MAGI2: variants seen among roughly 807,000 people sequenced by gnomAD.
MAGI2 encodes membrane associated guanylate kinase, WW and PDZ domain containing 2, also known as membrane-associated guanylate kinase, WW and PDZ domain-containing protein 2.
In MAGI2, 35 loss-of-function variants were observed where a neutral mutation model predicts 133.3. The ratio of observed to expected loss-of-function variants is 0.26; its 90% CI spans 0.20 to 0.35. The LOEUF is 0.35. MAGI2 is among the 10% of genes least tolerant of loss of function. MAGI2 has a pLI of 1.00. For synonymous variants in MAGI2, 729 were observed against 710.6 expected, an observed-to-expected ratio of 1.03 and a Z score of -0.41; for missense variants, 1,636 against 1,863.4, an observed-to-expected ratio of 0.88 and a Z score of 2.25.
chr7:78,890,525 G>A (rs1040741216), intron 2 of MAGI2, among the ~76,000 whole-genome samples: 1 of 152,046 alleles, frequency 6.6e-6, no homozygotes, highest in Non-Finnish European at 1.5e-5. Flanking sequence ...ATAACAAACT[G>A]TCTCTCAGAC....
chr7:78,765,187 G>C (rs553501718), intron 2 of MAGI2, among the ~76,000 whole-genome samples: 1 of 152,246 alleles, frequency 6.6e-6, no homozygotes, highest in East Asian at 1.9e-4. Context: ...GACTGTCCTA[G>C]TGTATCCACC....
chr7:78,775,559 T>C (rs1176817533), intron 2 of MAGI2, among the ~76,000 whole-genome samples: 5 of 152,092 alleles, frequency 3.3e-5, no homozygotes, highest in Admixed American at 2.6e-4. Flanking sequence ...TCTTTCTCTA[T>C]CTATACTTTA....
rs537630288 is a variant in MAGI2 at position 79,386,262 on chromosome 7, T to A, written c.301+66758A>T. On this transcript the variant is annotated intron_variant, in intron 1 of 21. Transcript: ENST00000354212. ...TATCTGAAAGGTATTAACATAGATA[T>A]GCATTTAACAAATTAGTGTTGGGAA... is the stretch of plus-strand genomic sequence containing the variant. Among the ~76,000 whole-genome samples the A allele has an allele frequency of 9.9e-5, 15 of 152,196 alleles. No homozygotes were observed. The South Asian group carries it at 2.3e-3, about 23-fold the overall frequency.
chr7:78,815,935 T>C (rs747391079), intron 2 of MAGI2, among the ~76,000 whole-genome samples: 2 of 152,168 alleles, frequency 1.3e-5, no homozygotes, highest in African/African-American at 2.4e-5. Flanking sequence ...AATCAGAAGC[T>C]AGAAATGATT....
At chr7:78,980,323 C>T (rs1175853841) in intron 2 of MAGI2, among the ~76,000 whole-genome samples, 2 of 151,784 alleles carry the variant, frequency 1.3e-5, no homozygotes, top group Non-Finnish European at 2.9e-5. Context: ...GTAGAGTTAA[C>T]AAGGCAAACT....
chr7:78,105,725 TG>T (rs143718922), intron 20 of MAGI2, among the ~76,000 whole-genome samples: 5,969 of 152,220 alleles, frequency 0.039, 133 homozygotes, highest in East Asian at 0.065. Flanking sequence ...TTTTTATTTT[TG>T]TTATGGGTAC....
chr7:78,072,844 A>G (rs1210447446), intron 21 of MAGI2: 3 of 398,070 alleles, frequency 7.5e-6, no homozygotes, highest in African/African-American at 6.2e-5. Context: ...ATTTTTTTGT[A>G]GAGACAAGGT....
chr7:79,230,623 A>G (rs955516483), intron 1 of MAGI2, among the ~76,000 whole-genome samples: 3 of 149,464 alleles, frequency 2.0e-5, no homozygotes, highest in Admixed American at 2.0e-4. Context: ...TCCTTCGCCC[A>G]CTTTTTGATG....
At chr7:79,041,356 TGGAAAAACAA>T (rs1209370199) in intron 1 of MAGI2, among the ~76,000 whole-genome samples, 2 of 152,300 alleles carry the variant, frequency 1.3e-5, no homozygotes, top group Non-Finnish European at 2.9e-5. Context: ...GTCAAAGGAC[TGGAAAAACAA>T]GGCAACTGTT....
chr7:78,687,242 G>T (rs746160456), intron 2 of MAGI2, among the ~76,000 whole-genome samples: 1 of 152,044 alleles, frequency 6.6e-6, no homozygotes, highest in Admixed American at 6.6e-5. Flanking sequence ...TTGATTATAC[G>T]ATCAGGAGTA....
intron 2 of MAGI2, among the ~76,000 whole-genome samples, chr7:78,898,661 G>C (rs1797390336): frequency 6.6e-6 from 1 of 152,146 alleles, no homozygotes; most frequent in African/African-American, 2.4e-5. Context: ...CAGAGGATCA[G>C]GGTGGGAGGA....
At chr7:79,162,624 C>T (rs1030352904) in intron 1 of MAGI2, among the ~76,000 whole-genome samples, 2 of 152,052 alleles carry the variant, frequency 1.3e-5, no homozygotes, top group Admixed American at 6.6e-5. Context: ...GAATTTTCTA[C>T]TTACTATAGA....
chr7:78,071,171 A>G (rs1324817604), intron 21 of MAGI2, among the ~76,000 whole-genome samples: 1 of 152,222 alleles, frequency 6.6e-6, no homozygotes, highest in Non-Finnish European at 1.5e-5. Context: ...TCCTCATCCT[A>G]AAATCACTTA....
chr7:78,426,512 C>T (rs576671171), intron 6 of MAGI2, among the ~76,000 whole-genome samples: 103 of 151,940 alleles, frequency 6.8e-4, no homozygotes, highest in Non-Finnish European at 1.1e-3. Flanking sequence ...TGCTAGATGA[C>T]GAGTTAGTGG....
intron 2 of MAGI2, among the ~76,000 whole-genome samples, chr7:78,961,014 A>C (rs1357328014): frequency 6.6e-6 from 1 of 152,134 alleles, no homozygotes; most frequent in East Asian, 1.9e-4. Flanking sequence ...TTCCCTTGCC[A>C]TCTTTCTAAA....
chr7:79,078,328 G>A (rs892616787), intron 1 of MAGI2, among the ~76,000 whole-genome samples: 1 of 152,034 alleles, frequency 6.6e-6, no homozygotes, highest in Non-Finnish European at 1.5e-5. Flanking sequence ...ATACTGCCTA[G>A]GTTCTCATAG....
At chr7:78,094,471 T>C (rs942073462) in intron 20 of MAGI2, among the ~76,000 whole-genome samples, 5 of 152,210 alleles carry the variant, frequency 3.3e-5, no homozygotes, top group South Asian at 2.1e-4. Flanking sequence ...CATTGTTCTT[T>C]GGTGTGATGC....
At chr7:79,379,047 G>C (rs1007769956) in intron 1 of MAGI2, among the ~76,000 whole-genome samples, 32 of 149,450 alleles carry the variant, frequency 2.1e-4, no homozygotes, top group Non-Finnish European at 3.0e-4. Context: ...TGCCATGTTG[G>C]TGTGCTGCAC....
At chr7:78,483,314 T>A (rs35454028) in intron 6 of MAGI2, among the ~76,000 whole-genome samples, 1 of 151,334 alleles carries the variant, frequency 6.6e-6, no homozygotes, top group East Asian at 2.0e-4. Context: ...GGAGAAATGA[T>A]AATATACAAT....
Sources: allele counts gnomAD v4.1 joint callset (sites outside exome capture counted in the v4.1 genomes callset), GRCh38; gene constraint gnomAD v4.1.1; transcripts MANE v1.5; gene names NCBI Gene and HGNC (gene_info 2026-07-23, HGNC 2026-07-21).